NLGN1: variants seen among roughly 807,000 people sequenced by gnomAD.
The protein encoded by NLGN1 is neuroligin-1.
A neutral mutation model predicts 65.5 loss-of-function variants in NLGN1; 12 were observed. The ratio of observed to expected loss-of-function variants is 0.18; its 90% CI spans 0.12 to 0.30. The LOEUF (loss-of-function observed/expected upper bound fraction) is 0.30, where lower values mean the gene tolerates loss of function less well. Among genes scored for constraint, NLGN1 ranks in the 10% least tolerant of loss-of-function variants. The pLI, the probability that NLGN1 is intolerant of heterozygous loss-of-function variation, is 1.00. For synonymous variants in NLGN1, 350 were observed against 359.5 expected (o/e 0.97, Z 0.30); for missense variants, 750 against 1,007.1 (o/e 0.74, Z 3.46).
At position 173,408,911 on chromosome 3, in the gene NLGN1, C is replaced by CA. The variant is rs11344890; in HGVS notation, c.-390+10440dup. ...TGGGCAACAGAGCGAGACTCTGTCT[C>CA]AAAAAAAAAAAAAAAAGAATAGGTG... On this transcript the variant is annotated intron_variant, in intron 1 of 6. Transcript: ENST00000457714. Among the ~76,000 whole-genome samples the CA allele has an allele frequency of 1.5e-3, 184 of 124,828 alleles. 3 individuals carry two copies. Among genetic ancestry groups the CA allele is most frequent in the Admixed American group, 2.7e-3 (33 of 12,228 alleles). The allele number at this position is 124,828 out of a possible 152,430, so 81.9% of individuals were successfully genotyped here.
At chr3:174,069,954 A>T (rs1251258847) in intron 4 of NLGN1, among the ~76,000 whole-genome samples, 1 of 152,214 alleles carries the variant, frequency 6.6e-6, no homozygotes, top group Non-Finnish European at 1.5e-5. Flanking sequence ...GAAACAGTAA[A>T]TGACCTTTAT....
intron 4 of NLGN1, among the ~76,000 whole-genome samples, chr3:174,198,568 A>T (rs945495238): frequency 1.3e-5 from 2 of 152,210 alleles, no homozygotes; most frequent in African/African-American, 4.8e-5. Context: ...GAATATGAGG[A>T]TGCTTATTTC....
intron 2 of NLGN1, among the ~76,000 whole-genome samples, chr3:173,559,392 G>C (rs904842735): frequency 1.6e-4 from 24 of 152,022 alleles, no homozygotes; most frequent in African/African-American, 4.8e-4. Flanking sequence ...ACCCTTTCTT[G>C]TGTCTGCCTA....
chr3:174,132,832 A>G (rs1720466024), intron 4 of NLGN1, among the ~76,000 whole-genome samples: 1 of 152,216 alleles, frequency 6.6e-6, no homozygotes, highest in African/African-American at 2.4e-5. Context: ...GGGCATCCGA[A>G]TTAAAAGAGC....
intron 4 of NLGN1, among the ~76,000 whole-genome samples, chr3:174,264,090 G>A (rs1406796255): frequency 5.5e-5 from 8 of 145,638 alleles, no homozygotes; most frequent in African/African-American, 1.5e-4. Flanking sequence ...AGGGTAACCC[G>A]ACCTTTCTCT....
intron 2 of NLGN1, among the ~76,000 whole-genome samples, chr3:173,585,948 T>G (rs1429451864): frequency 6.6e-6 from 1 of 152,214 alleles, no homozygotes; most frequent in Non-Finnish European, 1.5e-5. Flanking sequence ...TCAGTGAATA[T>G]GAATTGACTC....
intron 4 of NLGN1, among the ~76,000 whole-genome samples, chr3:174,184,038 C>G (rs1730945577): frequency 6.6e-6 from 1 of 152,060 alleles, no homozygotes; most frequent in South Asian, 2.1e-4. Flanking sequence ...TCATGCCCCA[C>G]AACTCATAAG....
At chr3:173,548,483 AT>A (rs11343702) in intron 2 of NLGN1, among the ~76,000 whole-genome samples, 74,327 of 145,522 alleles carry the variant, frequency 0.51, 18,195 homozygotes, top group East Asian at 0.8. Flanking sequence ...AGCACCTCAC[AT>A]TTTTTTTTTT....
chr3:173,982,530 G>T (rs1396040010), intron 4 of NLGN1, among the ~76,000 whole-genome samples: 1 of 152,098 alleles, frequency 6.6e-6, no homozygotes, highest in East Asian at 1.9e-4. Context: ...GTATATCACG[G>T]ACGTAATAAA....
intron 4 of NLGN1, among the ~76,000 whole-genome samples, chr3:173,943,609 T>C (rs1186097524): frequency 6.6e-6 from 1 of 152,222 alleles, no homozygotes; most frequent in Non-Finnish European, 1.5e-5. Context: ...GACTTGATAA[T>C]GAATCAATGA....
chr3:173,428,116 A>G (rs2148726938), intron 1 of NLGN1, among the ~76,000 whole-genome samples: 1 of 151,996 alleles, frequency 6.6e-6, no homozygotes, highest in East Asian at 1.9e-4. Flanking sequence ...TATCTGATAT[A>G]AGTTTAGCTA....
At chr3:174,276,255 G>T (rs1750545357) in intron 5 of NLGN1, among the ~76,000 whole-genome samples, 1 of 151,668 alleles carries the variant, frequency 6.6e-6, no homozygotes, top group African/African-American at 2.4e-5. Context: ...TTTCCCAAGT[G>T]CCTGTCTGTC....
intron 2 of NLGN1, among the ~76,000 whole-genome samples, chr3:173,440,999 G>C (rs1376848271): frequency 2.0e-5 from 3 of 151,892 alleles, no homozygotes; most frequent in Non-Finnish European, 1.5e-5. Flanking sequence ...CGGATAAATG[G>C]TGCAGCTTCT....
At chr3:173,428,656 C>T (rs1439631838) in intron 1 of NLGN1, among the ~76,000 whole-genome samples, 2 of 151,696 alleles carry the variant, frequency 1.3e-5, no homozygotes, top group East Asian at 3.9e-4. Context: ...TCTTTTAGTC[C>T]TCATACTAAA....
At chr3:174,091,232 C>CT (rs1744456875) in intron 4 of NLGN1, among the ~76,000 whole-genome samples, 1 of 152,144 alleles carries the variant, frequency 6.6e-6, no homozygotes, top group Admixed American at 6.6e-5. Context: ...CCAGTGAAAC[C>CT]TTTTAAAACA....
chr3:173,558,975 AT>A (rs1742187181), intron 2 of NLGN1, among the ~76,000 whole-genome samples: 1 of 152,056 alleles, frequency 6.6e-6, no homozygotes, highest in Non-Finnish European at 1.5e-5. Context: ...CTCGGTCAGA[AT>A]TTTTTTGGTT....
intron 3 of NLGN1, among the ~76,000 whole-genome samples, chr3:173,622,509 A>G (rs1754160996): frequency 6.6e-6 from 1 of 152,082 alleles, no homozygotes; most frequent in African/African-American, 2.4e-5. Context: ...AGATCAGAGC[A>G]TGATAGAATG....
chr3:174,277,128 C>A (rs1750728678), intron 5 of NLGN1, among the ~76,000 whole-genome samples: 1 of 151,858 alleles, frequency 6.6e-6, no homozygotes, highest in African/African-American at 2.4e-5. Context: ...CTGTCTATCC[C>A]TGGAAAAAGA....
intron 2 of NLGN1, among the ~76,000 whole-genome samples, chr3:173,500,497 A>G (rs1730887439): frequency 6.6e-6 from 1 of 152,092 alleles, no homozygotes; most frequent in African/African-American, 2.4e-5. Flanking sequence ...CATCAGGGAT[A>G]TTGCTCTAAA....
Sources: gnomAD v4.1 joint callset for allele counts (sites outside exome capture counted in the v4.1 genomes callset) on GRCh38, gnomAD v4.1.1 for gene constraint, MANE v1.5 for transcripts, NCBI Gene and HGNC (gene_info 2026-07-23, HGNC 2026-07-21) for gene names.